The following MTMR12 variants were observed in gnomAD, a reference collection of about 807,000 sequenced individuals.
MTMR12 encodes myotubularin related protein 12.
A neutral mutation model predicts 96.7 loss-of-function variants in MTMR12; 33 were observed. The ratio of observed to expected loss-of-function variants is 0.34; its 90% CI spans 0.26 to 0.46. The LOEUF is 0.46. Among genes scored for constraint, MTMR12 ranks in the 20% least tolerant of loss-of-function variants. MTMR12 has a pLI of 1.00. For synonymous variants in MTMR12, 298 were observed against 327.2 expected (o/e 0.91, Z 0.96); for missense variants, 721 against 896.1 (o/e 0.80, Z 2.49).
rs1392359030 is a variant in MTMR12 at position 32,239,061 on chromosome 5, G to A, written c.1284C>T (p.Val428=). 3 of 1,610,832 alleles carry A rather than the reference G, an allele frequency of 1.9e-6. No individual in the cohort carries two copies. Among genetic ancestry groups the A allele is most frequent in the East Asian group, 2.2e-5 (1 of 44,880 alleles). ...GATCCAAGAAACAGTGGCCACCCAT[G>A]ACCCACTCCTTTTGGATGAGGCTCT... The part of the protein sequence containing the change: ...GFQSLIQKEW[V]MGGHCFLDRC... Residue 428 remains valine (V), a synonymous_variant, in exon 13 of 16, where the codon GTC becomes GTT. Coordinates refer to ENST00000382142, the MANE Select transcript of MTMR12 (RefSeq NM_001040446.3).
At position 32,287,479 on chromosome 5, in the gene MTMR12, C is replaced by T. The variant is rs115163653; in HGVS notation, c.82-10737G>A. Among the ~76,000 whole-genome samples, 535 of 152,288 alleles carry T rather than the reference C, an allele frequency of 3.5e-3. 3 individuals carry two copies. The highest frequency in any genetic ancestry group is 3.9e-3 in the Non-Finnish European group (265 of 68,012). On this transcript the variant is annotated intron_variant, in intron 1 of 15. Transcript: ENST00000382142. ...TCTCCTTGCTCCTCAAGCTTGCAGA[C>T]AGACTACTGTGGGAACTTGTGATCA...
chr5:32,241,937 A>G (rs1399581762), intron 12 of MTMR12, 120 bp downstream of exon 12: 1 of 774,744 alleles, frequency 1.3e-6, no homozygotes, highest in South Asian at 1.9e-5. Flanking sequence ...AGAAAGGAAT[A>G]GGAAGGATTT....
At chr5:32,265,712 C>T (rs1325761908) in intron 6 of MTMR12, among the ~76,000 whole-genome samples, 2 of 152,126 alleles carry the variant, frequency 1.3e-5, no homozygotes, top group African/African-American at 2.4e-5. Context: ...TATTTTATGT[C>T]AGTGTAATTC....
chr5:32,281,912 A>G (rs1431493904), intron 1 of MTMR12, among the ~76,000 whole-genome samples: 3 of 151,812 alleles, frequency 2.0e-5, no homozygotes, highest in African/African-American at 7.3e-5. Context: ...AAAAAAAAAA[A>G]AGAGACCACA....
In MTMR12 at chr5:32,268,581, A is replaced by T. The variant is rs1434108236; in HGVS notation, c.583+120T>A. The T allele has an allele frequency of 1.0e-5, 7 of 680,200 alleles. No homozygotes were observed. In the East Asian group the frequency reaches 1.9e-4, roughly 18 times the overall value. 42.1% of individuals were successfully genotyped at this position (680,200 alleles called of 1,614,324 possible). On this transcript the variant is annotated intron_variant, in intron 6 of 15. Transcript: ENST00000382142. ...TGAATCACTCAAGCAAGGGGTGACCAATTGGTAGAGGAGACAGGAAAAAAC... is the reference window on the plus strand; with the variant it reads ...TGAATCACTCAAGCAAGGGGTGACCTATTGGTAGAGGAGACAGGAAAAAAC...
At chr5:32,305,669 C>T (rs971163413) in intron 1 of MTMR12, among the ~76,000 whole-genome samples, 8 of 152,038 alleles carry the variant, frequency 5.3e-5, no homozygotes, top group Admixed American at 4.6e-4. Context: ...TTTGGGAGGC[C>T]AAGGCAGGTG....
chr5:32,281,873 C>T (rs929489707), intron 1 of MTMR12, among the ~76,000 whole-genome samples: 1 of 147,174 alleles, frequency 6.8e-6, no homozygotes, highest in East Asian at 2.1e-4. Flanking sequence ...GCACTCCAGC[C>T]TGGGAGACAG....
chr5:32,267,748 C>T (rs79944046), intron 6 of MTMR12, among the ~76,000 whole-genome samples: 365 of 152,270 alleles, frequency 2.4e-3, no homozygotes, highest in African/African-American at 8.5e-3. Flanking sequence ...ACAGAAAAAC[C>T]CAGGGACAAA....
chr5:32,303,066 A>AG (rs1286502570), intron 1 of MTMR12, among the ~76,000 whole-genome samples: 2 of 152,190 alleles, frequency 1.3e-5, no homozygotes, highest in African/African-American at 4.8e-5. Flanking sequence ...CACTTTCTGA[A>AG]GCCATCCAAG....
At chr5:32,246,238 C>T (rs1748684565) in intron 10 of MTMR12, among the ~76,000 whole-genome samples, 1 of 145,948 alleles carries the variant, frequency 6.9e-6, no homozygotes, top group Admixed American at 7.1e-5. Flanking sequence ...GTGATCTTGG[C>T]TCACAGCAAC....
intron 13 of MTMR12, among the ~76,000 whole-genome samples, chr5:32,236,139 T>C (rs1748218778): frequency 6.6e-6 from 1 of 152,112 alleles, no homozygotes; most frequent in Non-Finnish European, 1.5e-5. Context: ...GCTCAGAAAA[T>C]ACAAGTGACT....
In MTMR12 at chr5:32,292,503, T is replaced by A. The variant is rs576938410; in HGVS notation, c.82-15761A>T. Among the ~76,000 whole-genome samples the A allele has an allele frequency of 7.6e-4, 115 of 152,280 alleles. 1 individual carries two copies. The South Asian group carries it at 0.014, about 19-fold the overall frequency. On this transcript the variant is annotated intron_variant, in intron 1 of 15. Coordinates refer to ENST00000382142, the MANE Select transcript of MTMR12 (RefSeq NM_001040446.3). ...CGGACACTTTGGGCCCCTCCTACCT[T>A]TAAGTCAATAGGCTAAGAAGGGAGT...
In MTMR12 at chr5:32,248,829, G is replaced by A; in HGVS notation, c.839C>T (p.Ala280Val). 1 of 1,614,138 alleles carries A rather than the reference G, an allele frequency of 6.2e-7. No individual in the cohort carries two copies. Among genetic ancestry groups the A allele is most frequent in the South Asian group, 1.1e-5 (1 of 91,082 alleles). ...GCCGTCATCCTGTTCTTTGGGCAGT[G>A]CTGACATTTTCAAAAGGGCACTTCC... ...HNGSALLKMSALPKEQDDGIL... is the reference protein window; with the variant it reads ...HNGSALLKMSVLPKEQDDGIL... The change falls in exon 9 of 16, where the codon GCA becomes GTA. Residue 280 changes from alanine (A) to valine (V), a missense_variant. By Grantham distance (64) the Ala-to-Val change is moderately conservative. Transcript: ENST00000382142.
At chr5:32,311,633 G>T (rs753362354) in intron 1 of MTMR12, among the ~76,000 whole-genome samples, 13 of 152,172 alleles carry the variant, frequency 8.5e-5, no homozygotes, top group Non-Finnish European at 1.8e-4. Context: ...TTCTCATTAG[G>T]CATTTGGATT....
At chr5:32,245,202 AT>A (rs749759453) in intron 10 of MTMR12, among the ~76,000 whole-genome samples, 30 of 152,062 alleles carry the variant, frequency 2.0e-4, no homozygotes, top group Middle Eastern at 3.2e-3. Context: ...TGCCTGGCTA[AT>A]TTTTGTATTT....
At chr5:32,243,707 C>CA in intron 10 of MTMR12, 108 bp from the exon 11 acceptor site, 1 of 661,964 alleles carries the variant, frequency 1.5e-6, no homozygotes. Flanking sequence ...AGTCCTGACT[C>CA]AAACTGCAGA....
intron 13 of MTMR12, among the ~76,000 whole-genome samples, chr5:32,237,701 G>A (rs1748293634): frequency 6.6e-6 from 1 of 151,888 alleles, no homozygotes; most frequent in South Asian, 2.1e-4. Context: ...TAGTAGAGAC[G>A]GGGTTTCACC....
chr5:32,309,175 T>C (rs1024908212), intron 1 of MTMR12, among the ~76,000 whole-genome samples: 3 of 152,208 alleles, frequency 2.0e-5, no homozygotes, highest in Non-Finnish European at 4.4e-5. Flanking sequence ...AATTACAACA[T>C]GTGCACTTGG....
At position 32,305,856 on chromosome 5, in the gene MTMR12, T is replaced by C. The variant is rs547061107; in HGVS notation, c.81+6902A>G. 1.1e-4 allele frequency among the ~76,000 whole-genome samples: 17 copies of C among 151,762 alleles called. No individual in the cohort carries two copies. The South Asian group carries it at 2.5e-3, about 22-fold the overall frequency. ...AGGCGGAGGCTGTGGTGAGCCGAGATTGCGCCATTGCACTCCAGCCTGGGC... is the reference window on the plus strand; with the variant it reads ...AGGCGGAGGCTGTGGTGAGCCGAGACTGCGCCATTGCACTCCAGCCTGGGC... On this transcript the variant is annotated intron_variant, in intron 1 of 15. Transcript: ENST00000382142.
Sources: allele counts gnomAD v4.1 joint callset (sites outside exome capture counted in the v4.1 genomes callset), GRCh38; gene constraint gnomAD v4.1.1; transcripts MANE v1.5; gene names NCBI Gene and HGNC (gene_info 2026-07-23, HGNC 2026-07-21).